Variants in PITPNC1 observed in about 807,000 individuals in gnomAD.
The protein encoded by PITPNC1 is cytoplasmic phosphatidylinositol transfer protein 1.
PITPNC1 carries 18 observed loss-of-function variants against 44.7 expected under a neutral mutation model. The ratio of observed to expected loss-of-function variants is 0.40; its 90% CI spans 0.28 to 0.60. The LOEUF is 0.60. Among genes scored for constraint, PITPNC1 ranks in the 20% least tolerant of loss-of-function variants. The pLI is 0.39. For synonymous variants in PITPNC1, 141 were observed against 149.6 expected, an observed-to-expected ratio of 0.94 and a Z score of 0.42; for missense variants, 290 against 418.4, an observed-to-expected ratio of 0.69 and a Z score of 2.68.
chr17:67,570,814 C>G (rs1460597312), intron 4 of PITPNC1, among the ~76,000 whole-genome samples: 1 of 151,772 alleles, frequency 6.6e-6, no homozygotes, highest in Non-Finnish European at 1.5e-5. Context: ...CATCATCCTC[C>G]CTCTCTGTGG....
At chr17:67,518,243 AC>A (rs1314033176) in intron 1 of PITPNC1, among the ~76,000 whole-genome samples, 2 of 152,174 alleles carry the variant, frequency 1.3e-5, no homozygotes, top group Non-Finnish European at 2.9e-5. Context: ...TCCCTAAGGT[AC>A]TAATTCATAG....
chr17:67,461,847 TG>T (rs1430778688), intron 1 of PITPNC1, among the ~76,000 whole-genome samples: 8 of 152,178 alleles, frequency 5.3e-5, no homozygotes. Flanking sequence ...CTTAGATTTT[TG>T]GACCTTAGAT....
At chr17:67,579,288 A>G (rs554478790) in intron 5 of PITPNC1, among the ~76,000 whole-genome samples, 1 of 152,198 alleles carries the variant, frequency 6.6e-6, no homozygotes, top group Non-Finnish European at 1.5e-5. Flanking sequence ...TGACCTACCA[A>G]AAGCCTCACC....
At chr17:67,632,372 G>C in intron 6 of PITPNC1, 134 bp downstream of exon 6, 1 of 636,164 alleles carries the variant, frequency 1.6e-6, no homozygotes, top group Non-Finnish European at 2.8e-6. Flanking sequence ...TATCTTGCTG[G>C]TTCTTTTTGC....
At chr17:67,403,529 T>C (rs2038353891) in intron 1 of PITPNC1, among the ~76,000 whole-genome samples, 1 of 152,198 alleles carries the variant, frequency 6.6e-6, no homozygotes, top group Non-Finnish European at 1.5e-5. Flanking sequence ...AGGCTTTGCT[T>C]TAAGGGGAAG....
intron 1 of PITPNC1, among the ~76,000 whole-genome samples, chr17:67,465,313 G>A (rs765221789): frequency 2.0e-5 from 3 of 152,208 alleles, no homozygotes; most frequent in Non-Finnish European, 4.4e-5. Flanking sequence ...AATAGAATGT[G>A]TGTTGGGAGA....
intron 6 of PITPNC1, among the ~76,000 whole-genome samples, chr17:67,650,760 G>C (rs1412496517): frequency 6.6e-6 from 1 of 152,076 alleles, no homozygotes; most frequent in African/African-American, 2.4e-5. Context: ...CAAAACCATG[G>C]ACTATTACAT....
At chr17:67,655,997 C>G (rs1052892518) in intron 6 of PITPNC1, among the ~76,000 whole-genome samples, 1 of 152,206 alleles carries the variant, frequency 6.6e-6, no homozygotes, top group Admixed American at 6.5e-5. Flanking sequence ...ACCAAACGTT[C>G]ATGGGAGCCC....
chr17:67,571,626 G>A (rs928862374), intron 4 of PITPNC1, among the ~76,000 whole-genome samples: 7 of 152,218 alleles, frequency 4.6e-5, no homozygotes, highest in Non-Finnish European at 8.8e-5. Flanking sequence ...TGGTTGGCAG[G>A]ATTCATTCCT....
At chr17:67,682,775 AG>A (rs1251483486) in intron 8 of PITPNC1, among the ~76,000 whole-genome samples, 1 of 152,216 alleles carries the variant, frequency 6.6e-6, no homozygotes, top group Non-Finnish European at 1.5e-5. Flanking sequence ...AACCTTATTT[AG>A]GAAGAGTAAA....
At chr17:67,579,435 T>A (rs899935729) in intron 5 of PITPNC1, among the ~76,000 whole-genome samples, 1 of 152,000 alleles carries the variant, frequency 6.6e-6, no homozygotes, top group African/African-American at 2.4e-5. Context: ...ATCCTACCAC[T>A]CTGTTCAGGA....
intron 1 of PITPNC1, among the ~76,000 whole-genome samples, chr17:67,447,089 CAAAAAAAAAAAAAAA>C (rs749024248): frequency 1.1e-4 from 4 of 35,324 alleles, no homozygotes; most frequent in South Asian, 3.7e-3. Flanking sequence ...GACTCTGTCT[CAAAAAAAAAAAAAAA>C]AAAAAAAAAA....
In PITPNC1 at chr17:67,557,593, G is replaced by A. The variant is rs149572511; in HGVS notation, c.294+3976G>A. On this transcript the variant is annotated intron_variant, in intron 4 of 8. Transcript: ENST00000581322. ...CATCTCCCTGGTGACAAGGGGATCC[G>A]GATTTTTCTCTCTGGCTCTAGTGCA... 3.7e-3 allele frequency among the ~76,000 whole-genome samples: 563 copies of A among 152,240 alleles called. 6 individuals carry two copies. Among genetic ancestry groups the A allele is most frequent in the African/African-American group, 0.012 (492 of 41,536 alleles).
At chr17:67,492,962 G>T (rs139449856) in intron 1 of PITPNC1, among the ~76,000 whole-genome samples, 2 of 152,152 alleles carry the variant, frequency 1.3e-5, no homozygotes, top group Non-Finnish European at 1.5e-5. Flanking sequence ...ATTCTGTTTC[G>T]TTCCTTTCTG....
At chr17:67,525,444 C>T (rs1409631709) in intron 1 of PITPNC1, 3 of 152,258 alleles carry the variant, frequency 2.0e-5, no homozygotes, top group Admixed American at 6.5e-5. Flanking sequence ...AAGCAGGCAT[C>T]AGCCTGCATG....
At chr17:67,622,045 G>A (rs1376201377) in intron 5 of PITPNC1, among the ~76,000 whole-genome samples, 1 of 152,038 alleles carries the variant, frequency 6.6e-6, no homozygotes, top group Admixed American at 6.6e-5. Context: ...CAAGGCAGGC[G>A]GATCACGAGG....
intron 1 of PITPNC1, among the ~76,000 whole-genome samples, chr17:67,402,542 A>G (rs916126824): frequency 2.7e-5 from 4 of 150,758 alleles, no homozygotes; most frequent in African/African-American, 9.8e-5. Context: ...CTGTCTCTCT[A>G]ACCTGTGGGT....
At chr17:67,479,183 C>T (rs1013753616) in intron 1 of PITPNC1, among the ~76,000 whole-genome samples, 2 of 152,292 alleles carry the variant, frequency 1.3e-5, no homozygotes, top group Non-Finnish European at 1.5e-5. Flanking sequence ...GAGCCACTGC[C>T]TCCCTGCCTT....
chr17:67,509,518 C>A (rs951348767), intron 1 of PITPNC1, among the ~76,000 whole-genome samples: 3 of 151,488 alleles, frequency 2.0e-5, no homozygotes, highest in African/African-American at 7.3e-5. Flanking sequence ...GCCTGGGCAA[C>A]AGAGTGAGGC....
Sources: gnomAD v4.1 joint callset for allele counts (sites outside exome capture counted in the v4.1 genomes callset) on GRCh38, gnomAD v4.1.1 for gene constraint, MANE v1.5 for transcripts, NCBI Gene and HGNC (gene_info 2026-07-23, HGNC 2026-07-21) for gene names.